The following PLCB1 variants were observed in gnomAD, a reference collection of about 807,000 sequenced individuals.
The protein encoded by PLCB1 is 1-phosphatidylinositol 4,5-bisphosphate phosphodiesterase beta-1.
Under a neutral mutation model 161.8 loss-of-function variants are expected in PLCB1, and 46 were observed. The observed-to-expected ratio is 0.28, with a 90% CI of 0.22 to 0.36. The LOEUF is 0.36. Ranked by LOEUF, PLCB1 falls within the 10% of genes least tolerant of loss-of-function variation. The pLI, the probability that PLCB1 is intolerant of heterozygous loss-of-function variation, is 1.00. For synonymous variants in PLCB1, 517 were observed against 503.7 expected (o/e 1.03, Z -0.35); for missense variants, 1,016 against 1,472.5 (o/e 0.69, Z 5.07).
At chr20:8,667,295 A>C (rs1320753114) in intron 9 of PLCB1, among the ~76,000 whole-genome samples, 1 of 152,176 alleles carries the variant, frequency 6.6e-6, no homozygotes, top group East Asian at 1.9e-4. Flanking sequence ...ACCTCTGCGG[A>C]AGGTTACAGA....
At chr20:8,559,049 T>C (rs1329384458) in intron 3 of PLCB1, among the ~76,000 whole-genome samples, 1 of 151,870 alleles carries the variant, frequency 6.6e-6, no homozygotes, top group Non-Finnish European at 1.5e-5. Context: ...TAAAAAGGCC[T>C]ATTTTATTGT....
intron 31 of PLCB1, among the ~76,000 whole-genome samples, chr20:8,808,480 GT>G (rs1984652908): frequency 6.6e-6 from 1 of 152,146 alleles, no homozygotes; most frequent in African/African-American, 2.4e-5. Flanking sequence ...TAAAGATCCT[GT>G]CTCCAAATAT....
At chr20:8,489,246 G>C (rs1476546850) in intron 3 of PLCB1, among the ~76,000 whole-genome samples, 2 of 152,146 alleles carry the variant, frequency 1.3e-5, no homozygotes, top group Non-Finnish European at 2.9e-5. Context: ...CTATACACCA[G>C]ATTTGCCTAG....
chr20:8,148,571 C>T (rs1319558410), intron 1 of PLCB1, among the ~76,000 whole-genome samples: 4 of 152,124 alleles, frequency 2.6e-5, no homozygotes, highest in Non-Finnish European at 2.9e-5. Context: ...ATACTGAAAC[C>T]AAGGACTCAG....
rs867710732 is a variant in PLCB1, at chr20:8,486,685, C to T, written c.246+115235C>T. 6.9e-4 allele frequency among the ~76,000 whole-genome samples: 104 copies of T among 150,746 alleles called. 1 individual carries two copies. The South Asian group carries it at 0.015, about 21-fold the overall frequency. On this transcript the variant is annotated intron_variant, in intron 3 of 31. Transcript: ENST00000338037. Reference sequence around the variant, plus strand: ...TAATTTTTTGTATTTTTAGTAGAGACGGGGTTTCACCTTGTTAGCCAGGAT... The same window carrying T: ...TAATTTTTTGTATTTTTAGTAGAGATGGGGTTTCACCTTGTTAGCCAGGAT...
At chr20:8,155,835 C>G (rs536878704) in intron 2 of PLCB1, among the ~76,000 whole-genome samples, 2 of 152,116 alleles carry the variant, frequency 1.3e-5, no homozygotes, top group African/African-American at 4.8e-5. Context: ...GTAGCTTTCT[C>G]TAAAAGTTGA....
chr20:8,628,849 G>A (rs181209213), intron 4 of PLCB1, among the ~76,000 whole-genome samples: 71 of 152,090 alleles, frequency 4.7e-4, no homozygotes, highest in Admixed American at 2.9e-3. Flanking sequence ...CAGGAGAATC[G>A]CTTGAACCCA....
chr20:8,163,852 A>G (rs1057048794), intron 2 of PLCB1, among the ~76,000 whole-genome samples: 13 of 152,156 alleles, frequency 8.5e-5, no homozygotes, highest in Admixed American at 7.9e-4. Context: ...TCGGGCCTCT[A>G]TGGTAACATC....
In PLCB1 at chr20:8,629,296, T is replaced by A. The variant is rs566911440; in HGVS notation, c.384+865T>A. Among the ~76,000 whole-genome samples the A allele has an allele frequency of 2.0e-5, 3 of 152,284 alleles. No homozygotes were observed. The South Asian group carries it at 6.2e-4, about 32-fold the overall frequency. ...AAATAATATTTATTCAATTACGGAT[T>A]AGAAAGATGAATTAGATATGGCCCA... is the stretch of plus-strand genomic sequence containing the variant. On this transcript the variant is annotated intron_variant, in intron 4 of 31. Coordinates refer to ENST00000338037, the MANE Select transcript of PLCB1 (RefSeq NM_015192.4).
At chr20:8,218,369 A>G (rs533422912) in intron 2 of PLCB1, among the ~76,000 whole-genome samples, 1 of 152,266 alleles carries the variant, frequency 6.6e-6, no homozygotes, top group East Asian at 1.9e-4. Context: ...AACAGTTTTC[A>G]TATAACAAAC....
chr20:8,189,188 A>G (rs1308108806), intron 2 of PLCB1, among the ~76,000 whole-genome samples: 2 of 151,644 alleles, frequency 1.3e-5, no homozygotes, highest in Non-Finnish European at 2.9e-5. Flanking sequence ...CACTTAGCAT[A>G]ATGGCTTCCA....
At chr20:8,158,032 G>C (rs2051580575) in intron 2 of PLCB1, among the ~76,000 whole-genome samples, 2 of 152,202 alleles carry the variant, frequency 1.3e-5, no homozygotes, top group Middle Eastern at 3.4e-3. Flanking sequence ...ACTACTTTAG[G>C]AGAAATTAAA....
chr20:8,338,394 T>G (rs1004083791), intron 2 of PLCB1, among the ~76,000 whole-genome samples: 1 of 152,148 alleles, frequency 6.6e-6, no homozygotes, highest in African/African-American at 2.4e-5. Context: ...TACCCTTTTC[T>G]TGAAGAAAGC....
intron 27 of PLCB1, among the ~76,000 whole-genome samples, chr20:8,784,159 C>T (rs1317435554): frequency 2.6e-5 from 4 of 152,122 alleles, no homozygotes; most frequent in African/African-American, 9.7e-5. Flanking sequence ...TTAATATTAA[C>T]AAAATCATAA....
intron 2 of PLCB1, among the ~76,000 whole-genome samples, chr20:8,301,572 C>T (rs1983915242): frequency 6.6e-6 from 1 of 152,178 alleles, no homozygotes; most frequent in Non-Finnish European, 1.5e-5. Flanking sequence ...CCATGCTATC[C>T]TCCACACACT....
intron 2 of PLCB1, among the ~76,000 whole-genome samples, chr20:8,153,010 C>T (rs1251504688): frequency 2.6e-5 from 4 of 152,108 alleles, no homozygotes; most frequent in African/African-American, 9.7e-5. Context: ...ACTGGCTTTC[C>T]CCTCTGTAGA....
At chr20:8,742,462 A>C (rs537587679) in intron 23 of PLCB1, among the ~76,000 whole-genome samples, 5 of 152,296 alleles carry the variant, frequency 3.3e-5, no homozygotes, top group Admixed American at 6.5e-5. Context: ...TTATTTCGAA[A>C]GCATCCTCGA....
chr20:8,812,297 G>A (rs1034061464), intron 31 of PLCB1, among the ~76,000 whole-genome samples: 38 of 152,164 alleles, frequency 2.5e-4, no homozygotes, highest in Admixed American at 3.9e-4. Flanking sequence ...CCCTCCAGGC[G>A]AAAATCCGGA....
At chr20:8,514,719 AC>A (rs1188187486) in intron 3 of PLCB1, among the ~76,000 whole-genome samples, 3 of 152,178 alleles carry the variant, frequency 2.0e-5, no homozygotes, top group Non-Finnish European at 4.4e-5. Flanking sequence ...AAAAGTTAAA[AC>A]AAAAACAGTA....
Sources: allele counts gnomAD v4.1 joint callset (sites outside exome capture counted in the v4.1 genomes callset), GRCh38; gene constraint gnomAD v4.1.1; transcripts MANE v1.5; gene names NCBI Gene and HGNC (gene_info 2026-07-23, HGNC 2026-07-21).